The following CDCA2 variants were observed in gnomAD, a reference collection of about 807,000 sequenced individuals.
The protein encoded by CDCA2 is cell division cycle associated 2.
A neutral mutation model predicts 67.0 loss-of-function variants in CDCA2; 44 were observed. The ratio of observed to expected loss-of-function variants is 0.66; its 90% confidence interval spans 0.52 to 0.84. CDCA2 has a LOEUF of 0.84. Among genes scored for constraint, CDCA2 ranks in the 40% least tolerant of loss-of-function variants. The probability of loss-of-function intolerance (pLI) is 0.00; values close to 1 mark genes in which losing one functional copy is unlikely to be tolerated. For synonymous variants in CDCA2, 447 were observed against 418.7 expected, an observed-to-expected ratio of 1.07 and a Z score of -0.82; for missense variants, 1,253 against 1,203.2, an observed-to-expected ratio of 1.04 and a Z score of -0.61.
chr8:25,461,415 A>C (rs1165042442), intron 3 of CDCA2, among the ~76,000 whole-genome samples: 1 of 152,226 alleles, frequency 6.6e-6, no homozygotes, highest in East Asian at 1.9e-4. Context: ...ATCAGAGAAT[A>C]GCATTTAGAA....
rs60633246 is a variant in CDCA2, at chr8:25,498,453, A to ACCCC, written c.1672-4913_1672-4910dup. On this transcript the variant is annotated intron_variant, in intron 13 of 14. Coordinates refer to ENST00000330560, the MANE Select transcript of CDCA2 (RefSeq NM_152562.4). ...AAACCCCTGTCCTCAGGTAATCTGC[A>ACCCC]CCCCCCCCCCGCCCCCCAGGCCTCC... is the stretch of plus-strand genomic sequence containing the variant. 4.9e-3 allele frequency among the ~76,000 whole-genome samples: 377 copies of ACCCC among 76,500 alleles called. 6 individuals carry two copies. The highest frequency in any genetic ancestry group is 7.8e-3 in the East Asian group (16 of 2,058). The allele number at this position is 76,500 out of a possible 152,430, so 50.2% of individuals were successfully genotyped here.
At position 25,462,215 on chromosome 8, in the gene CDCA2, T is replaced by A. The variant is rs756885470; in HGVS notation, c.387+7T>A. On this transcript the variant is annotated splice_region_variant and intron_variant, in intron 4 of 14. Transcript: ENST00000330560. Reference sequence around the variant, plus strand: ...ACAAGATTCTCCTTCCCAGGTATGATTTTCTTCTAAGTTCTGTCGTGAATT... The same window carrying A: ...ACAAGATTCTCCTTCCCAGGTATGAATTTCTTCTAAGTTCTGTCGTGAATT... 1 of 1,613,646 alleles carries A rather than the reference T, an allele frequency of 6.2e-7. No homozygotes were observed. The highest frequency in any genetic ancestry group is 1.1e-5 in the South Asian group (1 of 91,072).
intron 7 of CDCA2, among the ~76,000 whole-genome samples, chr8:25,475,003 A>G (rs776868509): frequency 2.0e-5 from 3 of 152,134 alleles, no homozygotes; most frequent in African/African-American, 4.8e-5. Context: ...TGGCTTAGGG[A>G]AGACTTAGTG....
In CDCA2 at chr8:25,507,350, G is replaced by A; in HGVS notation, c.2684G>A (p.Arg895Lys). The stretch of plus-strand genomic sequence containing the variant: ...GAAACCAAAGTGCGACGTAGCACGA[G>A]GCTACAGAAGGATTTAGAAAACGAA... Reference protein sequence around the residue: ...NSETKVRRSTRLQKDLENEGL... With the variant: ...NSETKVRRSTKLQKDLENEGL... Residue 895 changes from arginine to lysine, a missense_variant, in exon 15 of 15, where the codon AGG becomes AAG. Coordinates refer to ENST00000330560, the MANE Select transcript of CDCA2 (RefSeq NM_152562.4). 6.2e-7 allele frequency: 1 copy of A among 1,613,436 alleles called. No individual in the cohort carries two copies. The highest frequency in any genetic ancestry group is 8.5e-7 in the Non-Finnish European group (1 of 1,179,886).
chr8:25,468,812 A>T (rs529930126), intron 6 of CDCA2, among the ~76,000 whole-genome samples: 24 of 152,200 alleles, frequency 1.6e-4, no homozygotes, highest in African/African-American at 5.8e-4. Flanking sequence ...GAGCTGGTGG[A>T]TCAGGTGGAG....
chr8:25,466,805 G>C (rs1350698770), intron 5 of CDCA2, among the ~76,000 whole-genome samples: 1 of 152,072 alleles, frequency 6.6e-6, no homozygotes, highest in Admixed American at 6.5e-5. Flanking sequence ...CACTTTGGGA[G>C]GCTGAGACGG....
At chr8:25,492,489 G>A (rs183099408) in intron 13 of CDCA2, among the ~76,000 whole-genome samples, 3 of 152,058 alleles carry the variant, frequency 2.0e-5, no homozygotes, top group Middle Eastern at 3.4e-3. Flanking sequence ...GGTATGAAAG[G>A]TATGTCACAT....
intron 13 of CDCA2, among the ~76,000 whole-genome samples, chr8:25,491,767 C>T (rs1421442496): frequency 1.3e-5 from 2 of 151,994 alleles, no homozygotes; most frequent in Non-Finnish European, 2.9e-5. Context: ...CAGGTGCACG[C>T]CACCACGCTT....
intron 10 of CDCA2, 126 bp from the exon 11 acceptor site, chr8:25,485,633 A>G: frequency 2.0e-6 from 1 of 509,382 alleles, no homozygotes; most frequent in Non-Finnish European, 3.5e-6. Flanking sequence ...AGAATCTTTT[A>G]TTGATTACCC....
At position 25,480,046 on chromosome 8, in the gene CDCA2, C is replaced by T. The variant is rs150751889; in HGVS notation, c.954C>T (p.Asp318=). 1.0e-3 allele frequency: 1,613 copies of T among 1,614,134 alleles called. 5 individuals carry two copies. The highest frequency in any genetic ancestry group is 1.1e-3 in the Non-Finnish European group (1,258 of 1,180,024). Residue 318 remains aspartate (D), a synonymous_variant, in exon 8 of 15, where the codon GAC becomes GAT. Coordinates refer to ENST00000330560, the MANE Select transcript of CDCA2 (RefSeq NM_152562.4). Reference sequence around the variant, plus strand: ...CAGCTACTCCAGCCTGCAGGAGGGACCTTCCCACCCCCAAGACCTTTGTAC... The same window carrying T: ...CAGCTACTCCAGCCTGCAGGAGGGATCTTCCCACCCCCAAGACCTTTGTAC... The part of the protein sequence containing the change: ...RSPATPACRR[D]LPTPKTFVLR...
intron 14 of CDCA2, 89 bp from the exon 15 acceptor site, chr8:25,506,421 A>C: frequency 7.9e-7 from 1 of 1,260,174 alleles, no homozygotes; most frequent in South Asian, 1.7e-5. Context: ...ACACAAAAAC[A>C]AAACAGGTCA....
rs62502024 is a variant in CDCA2, at chr8:25,470,055, A to C, written c.820+75A>C. 5 of 990,024 alleles carry C rather than the reference A, an allele frequency of 5.1e-6. No individual in the cohort carries two copies. In the African/African-American group the frequency reaches 8.1e-5, roughly 16 times the overall value. 61.3% of individuals were successfully genotyped at this position (990,024 alleles called of 1,614,324 possible). A position where few individuals can be genotyped will look rare whatever the true frequency, so the allele number is the denominator to read the frequency against. ...TTATGATTAGTGTACCTATTTGCTA[A>C]AATTTGGGGGAACTGAAATTGTTTC... On this transcript the variant is annotated intron_variant, in intron 7 of 14. Coordinates refer to ENST00000330560, the MANE Select transcript of CDCA2 (RefSeq NM_152562.4).
intron 5 of CDCA2, among the ~76,000 whole-genome samples, chr8:25,467,353 TC>T (rs959340365): frequency 7.9e-5 from 12 of 152,228 alleles, no homozygotes; most frequent in Non-Finnish European, 1.6e-4. Flanking sequence ...CCAAGACAAG[TC>T]CCCCTCATCT....
At chr8:25,469,204 A>G (rs894298503) in intron 6 of CDCA2, among the ~76,000 whole-genome samples, 2 of 152,200 alleles carry the variant, frequency 1.3e-5, no homozygotes, top group African/African-American at 2.4e-5. Flanking sequence ...TCTGTCACTT[A>G]GATCCAGTGC....
chr8:25,488,448 T>C, intron 12 of CDCA2, 104 bp from the exon 13 acceptor site: 1 of 1,060,826 alleles, frequency 9.4e-7, no homozygotes, highest in East Asian at 2.7e-5. Context: ...AAATGGGATC[T>C]AAAGTGGTAG....
intron 13 of CDCA2, among the ~76,000 whole-genome samples, chr8:25,488,962 T>C (rs1224519896): frequency 6.6e-6 from 1 of 152,184 alleles, no homozygotes; most frequent in Non-Finnish European, 1.5e-5. Context: ...CATTCTCATC[T>C]TTGAATCTAC....
intron 8 of CDCA2, among the ~76,000 whole-genome samples, chr8:25,481,937 TTTCTTAGAGCAGGTAATG>T (rs1420501429): frequency 2.0e-5 from 3 of 152,192 alleles, no homozygotes; most frequent in African/African-American, 7.2e-5. Flanking sequence ...GGCAGGACTA[TTTCTTAGAGCAGGTAATG>T]TTCTTAGAAT....
intron 13 of CDCA2, among the ~76,000 whole-genome samples, chr8:25,498,461 C>CCA (rs1804334377): frequency 8.0e-6 from 1 of 124,576 alleles, no homozygotes; most frequent in South Asian, 3.7e-4. Flanking sequence ...GCACCCCCCC[C>CCA]CCGCCCCCCA....
chr8:25,461,867 T>C (rs1802702901), intron 3 of CDCA2, among the ~76,000 whole-genome samples, 187 bp from the exon 4 acceptor site: 1 of 152,228 alleles, frequency 6.6e-6, no homozygotes, highest in Admixed American at 6.5e-5. Flanking sequence ...ATAGACTAAG[T>C]CAGCAGACAA....
Sources: gnomAD v4.1 joint callset for allele counts (sites outside exome capture counted in the v4.1 genomes callset) on GRCh38, gnomAD v4.1.1 for gene constraint, MANE v1.5 for transcripts, NCBI Gene and HGNC (gene_info 2026-07-23, HGNC 2026-07-21) for gene names.